TRPM3: variants seen among roughly 807,000 people sequenced by gnomAD.
The protein encoded by TRPM3 is transient receptor potential cation channel subfamily M member 3, also known as long transient receptor potential channel 3.
Under a neutral mutation model 181.2 loss-of-function variants are expected in TRPM3, and 77 were observed. The observed-to-expected ratio is 0.42, with a 90% confidence interval of 0.35 to 0.51. The LOEUF is 0.51. Ranked by LOEUF, TRPM3 falls within the 20% of genes least tolerant of loss-of-function variation. The probability of loss-of-function intolerance (pLI) is 0.01; values close to 1 mark genes in which losing one functional copy is unlikely to be tolerated. For missense variants in TRPM3, 1,759 were observed against 2,196.7 expected, an observed-to-expected ratio of 0.80 and a Z score of 3.98; for synonymous variants, 745 against 796.4, an observed-to-expected ratio of 0.94 and a Z score of 1.09.
intron 1 of TRPM3, among the ~76,000 whole-genome samples, chr9:71,244,971 T>G (rs1739713833): frequency 6.6e-6 from 1 of 152,104 alleles, no homozygotes; most frequent in Non-Finnish European, 1.5e-5. Context: ...TAAATAGGCT[T>G]TAACAGCACA....
intron 12 of TRPM3, among the ~76,000 whole-genome samples, chr9:70,634,019 G>A (rs1017699280): frequency 1.3e-5 from 2 of 151,978 alleles, no homozygotes; most frequent in East Asian, 3.9e-4. Context: ...GATAATATGG[G>A]GCAAAAGAAC....
intron 1 of TRPM3, among the ~76,000 whole-genome samples, chr9:71,366,711 AT>A (rs1277914936): frequency 1.3e-5 from 2 of 152,116 alleles, no homozygotes; most frequent in African/African-American, 4.8e-5. Context: ...TTATATACAT[AT>A]TTTTTATTAC....
intron 1 of TRPM3, among the ~76,000 whole-genome samples, chr9:70,977,829 G>A (rs1335323193): frequency 2.0e-5 from 3 of 152,200 alleles, no homozygotes; most frequent in African/African-American, 4.8e-5. Flanking sequence ...GGCAAGGTAC[G>A]TGGGAAGTGG....
intron 1 of TRPM3, among the ~76,000 whole-genome samples, chr9:71,031,983 TATATTATATATATATAATTATATA>T: frequency 0.016 from 8 of 500 alleles, no homozygotes; most frequent in African/African-American, 0.028. Flanking sequence ...TATATATATA[TATATTATATATATATAATTATATA>T]ATATATAATA....
intron 6 of TRPM3, among the ~76,000 whole-genome samples, chr9:70,797,653 T>C (rs2087533354): frequency 6.6e-6 from 1 of 152,220 alleles, no homozygotes; most frequent in African/African-American, 2.4e-5. Flanking sequence ...TCCTCACTCC[T>C]GGTTTCAAGA....
chr9:70,561,318 T>A (rs1311791988), intron 22 of TRPM3, among the ~76,000 whole-genome samples: 1 of 152,204 alleles, frequency 6.6e-6, no homozygotes, highest in Non-Finnish European at 1.5e-5. Flanking sequence ...CAAATTTGAT[T>A]TAGATAACGC....
At chr9:70,694,286 T>G (rs961943753) in intron 8 of TRPM3, among the ~76,000 whole-genome samples, 1 of 152,020 alleles carries the variant, frequency 6.6e-6, no homozygotes, top group African/African-American at 2.4e-5. Context: ...TTTTACCATC[T>G]GCAAAAAAAA....
intron 22 of TRPM3, among the ~76,000 whole-genome samples, chr9:70,556,362 C>A (rs1227488707): frequency 6.6e-6 from 1 of 151,926 alleles, no homozygotes; most frequent in South Asian, 2.1e-4. Flanking sequence ...CCTCCCCCAC[C>A]TTTTACTCAT....
At chr9:70,665,581 C>T (rs1164943180) in intron 9 of TRPM3, among the ~76,000 whole-genome samples, 1 of 152,142 alleles carries the variant, frequency 6.6e-6, no homozygotes, top group Non-Finnish European at 1.5e-5. Flanking sequence ...GTCCCATGAA[C>T]GTGTTAACAG....
At chr9:70,779,231 C>T (rs1018538934) in intron 7 of TRPM3, among the ~76,000 whole-genome samples, 1 of 152,136 alleles carries the variant, frequency 6.6e-6, no homozygotes, top group African/African-American at 2.4e-5. Context: ...TGAACAGTCT[C>T]TTGGTATTTT....
chr9:71,359,092 A>G (rs748972832), intron 1 of TRPM3, among the ~76,000 whole-genome samples: 2 of 152,250 alleles, frequency 1.3e-5, no homozygotes, highest in African/African-American at 4.8e-5. Context: ...ACTAAGAACT[A>G]GGTGGGCAAG....
intron 1 of TRPM3, among the ~76,000 whole-genome samples, chr9:71,371,795 A>T (rs775992811): frequency 2.6e-5 from 4 of 152,176 alleles, no homozygotes; most frequent in Non-Finnish European, 5.9e-5. Flanking sequence ...TTTGGTGAAG[A>T]GTCAATCATT....
At chr9:70,986,354 C>A (rs1445786419) in intron 1 of TRPM3, among the ~76,000 whole-genome samples, 2 of 152,126 alleles carry the variant, frequency 1.3e-5, no homozygotes, top group African/African-American at 4.8e-5. Flanking sequence ...CAGAGGAACA[C>A]CTTGTCTCTA....
chr9:70,883,915 T>G (rs1406536783), intron 1 of TRPM3, among the ~76,000 whole-genome samples: 1 of 152,196 alleles, frequency 6.6e-6, no homozygotes, highest in African/African-American at 2.4e-5. Flanking sequence ...AGAGGCCGAA[T>G]TTGCAAGACA....
rs553789765 is a variant in TRPM3 at position 70,639,913 on chromosome 9, C to T, written c.1446+647G>A. 2.1e-3 allele frequency among the ~76,000 whole-genome samples: 314 copies of T among 152,254 alleles called. 1 individual carries two copies. Among genetic ancestry groups the T allele is most frequent in the African/African-American group, 7.2e-3 (297 of 41,536 alleles). ...AAGGAAGGAGTAAGATAAGGCTTGC[C>T]GGTGAGTGCTGTGATTCCAGGCACA... On this transcript the variant is annotated intron_variant, in intron 10 of 25. Coordinates refer to ENST00000677713, the MANE Select transcript of TRPM3 (RefSeq NM_001366145.2).
intron 1 of TRPM3, among the ~76,000 whole-genome samples, chr9:71,320,940 C>G (rs778957615): frequency 2.0e-5 from 3 of 152,042 alleles, no homozygotes; most frequent in Admixed American, 2.0e-4. Context: ...TGACATCGCT[C>G]TCTCCCTCAT....
chr9:70,873,227 A>C (rs1264439308), intron 1 of TRPM3, among the ~76,000 whole-genome samples: 1 of 151,944 alleles, frequency 6.6e-6, no homozygotes, highest in African/African-American at 2.4e-5. Context: ...CTTGGAAATA[A>C]ATGTATTGTG....
At chr9:70,700,864 T>C (rs2134681184) in intron 8 of TRPM3, among the ~76,000 whole-genome samples, 1 of 152,318 alleles carries the variant, frequency 6.6e-6, no homozygotes, top group Non-Finnish European at 1.5e-5. Flanking sequence ...ACGTGCTAAA[T>C]ATGCTAAACG....
intron 1 of TRPM3, among the ~76,000 whole-genome samples, chr9:71,007,759 A>T (rs2097695275): frequency 6.6e-6 from 1 of 152,184 alleles, no homozygotes; most frequent in South Asian, 2.1e-4. Context: ...AGCAAATGAA[A>T]ATGGAATACA....
Sources: allele counts gnomAD v4.1 joint callset (sites outside exome capture counted in the v4.1 genomes callset), GRCh38; gene constraint gnomAD v4.1.1; transcripts MANE v1.5; gene names NCBI Gene and HGNC (gene_info 2026-07-23, HGNC 2026-07-21).